Variants in ELMO1 observed in about 807,000 individuals in gnomAD.
ELMO1 encodes engulfment and cell motility 1, also known as engulfment and cell motility protein 1.
A neutral mutation model predicts 98.9 loss-of-function variants in ELMO1; 26 were observed. The observed-to-expected ratio is 0.26, with a 90% CI of 0.19 to 0.36. The LOEUF is 0.36. Ranked by LOEUF, ELMO1 falls within the 10% of genes least tolerant of loss-of-function variation. The pLI, the probability that ELMO1 is intolerant of heterozygous loss-of-function variation, is 1.00. For missense variants in ELMO1, 627 were observed against 935.2 expected (o/e 0.67, Z 4.30); for synonymous variants, 346 against 346.0 (o/e 1.00, Z 0.00).
chr7:36,894,068 A>G (rs1281125059), intron 17 of ELMO1, among the ~76,000 whole-genome samples: 4 of 152,184 alleles, frequency 2.6e-5, no homozygotes, highest in African/African-American at 9.7e-5. Flanking sequence ...TATCAAACAC[A>G]TATGCCTTTC....
At chr7:37,290,122 C>A (rs1193561206) in intron 4 of ELMO1, among the ~76,000 whole-genome samples, 1 of 152,206 alleles carries the variant, frequency 6.6e-6, no homozygotes, top group Non-Finnish European at 1.5e-5. Context: ...TATAGACTTA[C>A]TCTCTGCCAT....
rs1279527687 is a variant in ELMO1 at position 36,967,575 on chromosome 7, C to T, written c.1437+45724G>A. On this transcript the variant is annotated intron_variant, in intron 16 of 21. Coordinates refer to ENST00000310758, the MANE Select transcript of ELMO1 (RefSeq NM_014800.11). Reference sequence around the variant, plus strand: ...GGTGCTGCTGACCACTTCCAGAAAGCAGCTCAGATTCAGGGAGAGAAAGGA... The same window carrying T: ...GGTGCTGCTGACCACTTCCAGAAAGTAGCTCAGATTCAGGGAGAGAAAGGA... 2.0e-5 allele frequency among the ~76,000 whole-genome samples: 3 copies of T among 152,116 alleles called. No individual in the cohort carries two copies. In the East Asian group the frequency reaches 5.8e-4, roughly 29 times the overall value.
At chr7:37,286,415 T>A (rs988975253) in intron 4 of ELMO1, among the ~76,000 whole-genome samples, 1 of 152,164 alleles carries the variant, frequency 6.6e-6, no homozygotes, top group Non-Finnish European at 1.5e-5. Context: ...AAGCAATAGG[T>A]GCTCAGTGAA....
chr7:37,007,832 C>T (rs897103388), intron 16 of ELMO1, among the ~76,000 whole-genome samples: 1 of 152,112 alleles, frequency 6.6e-6, no homozygotes, highest in African/African-American at 2.4e-5. Flanking sequence ...TTCCTTCTGT[C>T]CTGCTCTCCC....
intron 1 of ELMO1, among the ~76,000 whole-genome samples, chr7:37,396,550 T>C (rs559890278): frequency 6.6e-6 from 1 of 152,356 alleles, no homozygotes; most frequent in Admixed American, 6.5e-5. Flanking sequence ...TCTTTTCTAA[T>C]GGACAAGAAT....
At chr7:36,867,315 T>C (rs771947910) in intron 20 of ELMO1, among the ~76,000 whole-genome samples, 8 of 152,194 alleles carry the variant, frequency 5.3e-5, no homozygotes, top group Non-Finnish European at 1.2e-4. Flanking sequence ...TAGTCTCCTT[T>C]AAGGAGAGAG....
chr7:37,298,614 C>T (rs1170712208), intron 4 of ELMO1, among the ~76,000 whole-genome samples: 1 of 143,698 alleles, frequency 7.0e-6, no homozygotes, highest in Non-Finnish European at 1.5e-5. Flanking sequence ...TCATCCATGT[C>T]CCTACAAAGG....
chr7:37,384,502 C>T (rs1583662743), intron 1 of ELMO1, among the ~76,000 whole-genome samples: 5 of 152,166 alleles, frequency 3.3e-5, no homozygotes, highest in South Asian at 4.2e-4. Flanking sequence ...GGGCGGATCA[C>T]GAGGTCAGGA....
chr7:36,975,004 A>G (rs1790401863), intron 16 of ELMO1, among the ~76,000 whole-genome samples: 1 of 152,174 alleles, frequency 6.6e-6, no homozygotes, highest in Non-Finnish European at 1.5e-5. Flanking sequence ...AGAAGGAACA[A>G]ACTCCAGACG....
At position 37,269,005 on chromosome 7, in the gene ELMO1, T is replaced by C. The variant is rs562492695; in HGVS notation, c.243+2827A>G. On this transcript the variant is annotated intron_variant, in intron 5 of 21. Coordinates refer to ENST00000310758, the MANE Select transcript of ELMO1 (RefSeq NM_014800.11). ...GTCCTTATTTGGCTTCAGGGAGAGT[T>C]CAGCTGAGGCAGACGAAGGAACTTC... Among the ~76,000 whole-genome samples the C allele has an allele frequency of 6.4e-4, 97 of 152,366 alleles. 1 individual carries two copies. The South Asian group carries it at 0.019, about 30-fold the overall frequency.
intron 6 of ELMO1, among the ~76,000 whole-genome samples, chr7:37,250,963 T>TG (rs1309167149): frequency 6.6e-6 from 1 of 152,156 alleles, no homozygotes; most frequent in African/African-American, 2.4e-5. Flanking sequence ...ATAAGTACCC[T>TG]GCCCTTTCAT....
chr7:37,212,309 GAC>G (rs1457017120), intron 12 of ELMO1, among the ~76,000 whole-genome samples: 4 of 152,162 alleles, frequency 2.6e-5, no homozygotes, highest in Non-Finnish European at 4.4e-5. Flanking sequence ...AGATGGTGGT[GAC>G]AGTTTCCTAA....
chr7:37,357,158 ATGGGGCTTTGGGTCTTTGTTTC>A (rs1376461817), intron 1 of ELMO1, among the ~76,000 whole-genome samples: 1 of 152,114 alleles, frequency 6.6e-6, no homozygotes, highest in African/African-American at 2.4e-5. Flanking sequence ...AAGAATAGTT[ATGGGGCTTTGGGTCTTTGTTTC>A]TGGGGCTTTG....
chr7:37,281,996 T>C (rs1384021821), intron 4 of ELMO1, among the ~76,000 whole-genome samples: 1 of 150,720 alleles, frequency 6.6e-6, no homozygotes, highest in African/African-American at 2.4e-5. Flanking sequence ...AGGATGTCTT[T>C]GTGTCTTTAC....
intron 2 of ELMO1, among the ~76,000 whole-genome samples, chr7:37,334,940 A>G (rs1421391357): frequency 1.3e-5 from 2 of 152,202 alleles, no homozygotes; most frequent in East Asian, 3.8e-4. Context: ...GAGAATGAAG[A>G]CCACCAGTGT....
intron 1 of ELMO1, among the ~76,000 whole-genome samples, chr7:37,377,463 A>C (rs1413870846): frequency 6.6e-6 from 1 of 152,174 alleles, no homozygotes; most frequent in African/African-American, 2.4e-5. Context: ...AGTACCACCA[A>C]CAAGGGTAGA....
At chr7:36,910,854 T>C (rs967065319) in intron 16 of ELMO1, among the ~76,000 whole-genome samples, 9 of 152,216 alleles carry the variant, frequency 5.9e-5, no homozygotes, top group African/African-American at 1.4e-4. Context: ...TTTGTGTCTG[T>C]CTTTTCCTAC....
At chr7:37,094,702 C>T (rs1179736228) in intron 15 of ELMO1, among the ~76,000 whole-genome samples, 1 of 152,182 alleles carries the variant, frequency 6.6e-6, no homozygotes, top group Admixed American at 6.5e-5. Flanking sequence ...TCCCATAGAG[C>T]TCCTCTCACT....
At chr7:36,969,939 G>A (rs1421080936) in intron 16 of ELMO1, among the ~76,000 whole-genome samples, 1 of 151,676 alleles carries the variant, frequency 6.6e-6, no homozygotes, top group African/African-American at 2.4e-5. Context: ...ATTTTAACAA[G>A]ATTTCTATTT....
Sources: gnomAD v4.1 joint callset for allele counts (sites outside exome capture counted in the v4.1 genomes callset) on GRCh38, gnomAD v4.1.1 for gene constraint, MANE v1.5 for transcripts, NCBI Gene and HGNC (gene_info 2026-07-23, HGNC 2026-07-21) for gene names.